Variants in SOX5 observed in about 807,000 individuals in gnomAD.
SOX5 encodes the protein SRY-box transcription factor 5, also known as transcription factor SOX-5.
SOX5 carries 9 observed loss-of-function variants against 92.0 expected under a neutral mutation model. The ratio of observed to expected loss-of-function variants is 0.10; its 90% CI spans 0.06 to 0.17. SOX5 has a LOEUF of 0.17. Among genes scored for constraint, SOX5 ranks in the 10% least tolerant of loss-of-function variants. SOX5 has a pLI of 1.00. For synonymous variants in SOX5, 344 were observed against 336.3 expected (o/e 1.02, Z -0.25); for missense variants, 642 against 944.5 (o/e 0.68, Z 4.20).
Position 24,494,427 on chromosome 12 carries a change from T to C in SOX5, c.-251+67902A>G, listed in dbSNP as rs145376040. On this transcript the variant is annotated intron_variant, in intron 1 of 4. Transcript: ENST00000446891. ...AAAATTTCAAAGTGCTTCCCATTTA[T>C]TATCTCATTGTATCCTTATAACAAC... Among the ~76,000 whole-genome samples, 16 of 152,338 alleles carry C rather than the reference T, an allele frequency of 1.1e-4. No individual in the cohort carries two copies. In the East Asian group the frequency reaches 3.1e-3, roughly 29 times the overall value.
intron 1 of SOX5, among the ~76,000 whole-genome samples, chr12:24,439,301 G>T (rs1940045546): frequency 6.6e-6 from 1 of 152,122 alleles, no homozygotes; most frequent in Admixed American, 6.6e-5. Context: ...TATGTACTGG[G>T]GAAACATCTG....
chr12:23,598,944 G>A (rs78766560), intron 9 of SOX5, among the ~76,000 whole-genome samples: 3,795 of 152,162 alleles, frequency 0.025, 70 homozygotes, highest in Non-Finnish European at 0.042. Flanking sequence ...CTGATTTCTC[G>A]TACTGCTAGC....
At chr12:24,312,261 C>T (rs1209719716) in intron 2 of SOX5, among the ~76,000 whole-genome samples, 5 of 152,162 alleles carry the variant, frequency 3.3e-5, no homozygotes, top group East Asian at 3.8e-4. Context: ...GATCACCTAG[C>T]TCCCCTCTCA....
chr12:24,251,639 T>G (rs1000853488), intron 3 of SOX5, among the ~76,000 whole-genome samples: 6 of 151,664 alleles, frequency 4.0e-5, no homozygotes, highest in African/African-American at 1.5e-4. Context: ...TGGCGTGATC[T>G]CGACTCACTG....
intron 3 of SOX5, among the ~76,000 whole-genome samples, chr12:24,222,950 G>T (rs1960856796): frequency 6.6e-6 from 1 of 152,084 alleles, no homozygotes; most frequent in African/African-American, 2.4e-5. Context: ...GAAAACAGTG[G>T]GTGATACAAC....
chr12:23,856,856 A>T (rs1240615305), intron 2 of SOX5, among the ~76,000 whole-genome samples: 2 of 152,156 alleles, frequency 1.3e-5, no homozygotes, highest in Admixed American at 1.3e-4. Flanking sequence ...ACTTCTTATC[A>T]TAGTACTAAT....
At chr12:23,998,745 G>A (rs1013425797) in intron 4 of SOX5, among the ~76,000 whole-genome samples, 4 of 137,188 alleles carry the variant, frequency 2.9e-5, no homozygotes, top group Admixed American at 8.3e-5. Context: ...AGGTTGCAAT[G>A]AGCCGAGATC....
chr12:23,838,090 T>G, intron 3 of SOX5, among the ~76,000 whole-genome samples: 1 of 138,072 alleles, frequency 7.2e-6, no homozygotes, highest in African/African-American at 2.6e-5. Flanking sequence ...TTTATATATA[T>G]TTATACTTAT....
intron 1 of SOX5, among the ~76,000 whole-genome samples, chr12:24,443,337 T>C (rs1215863055): frequency 6.6e-6 from 1 of 152,194 alleles, no homozygotes; most frequent in Admixed American, 6.5e-5. Flanking sequence ...AAGATGGACA[T>C]GAGATTACTG....
At chr12:24,117,072 G>A (rs537549837) in intron 4 of SOX5, among the ~76,000 whole-genome samples, 1 of 150,232 alleles carries the variant, frequency 6.7e-6, no homozygotes, top group South Asian at 2.1e-4. Context: ...TCAGATAAGA[G>A]ACTAATATCC....
At chr12:24,212,408 GA>G (rs937458842) in intron 4 of SOX5, 2 of 533,236 alleles carry the variant, frequency 3.8e-6, no homozygotes, top group African/African-American at 3.9e-5. Flanking sequence ...AATGAAAACT[GA>G]AAAAGCCACT....
At chr12:24,270,185 C>T (rs1045480163) in intron 3 of SOX5, among the ~76,000 whole-genome samples, 4 of 151,996 alleles carry the variant, frequency 2.6e-5, no homozygotes, top group South Asian at 2.1e-4. Context: ...CTTAGCCTCC[C>T]GAGTGGCTGA....
At chr12:23,901,625 C>T (rs7136659) in intron 1 of SOX5, among the ~76,000 whole-genome samples, 50,052 of 151,988 alleles carry the variant, frequency 0.33, 9,481 homozygotes, top group Non-Finnish European at 0.44. Context: ...TTAGTCCTTA[C>T]GCCATTTTGT....
chr12:24,199,342 T>G, intron 4 of SOX5, among the ~76,000 whole-genome samples: 1 of 152,356 alleles, frequency 6.6e-6, no homozygotes, highest in Middle Eastern at 3.4e-3. Flanking sequence ...AGCACCAAAA[T>G]GTCGCAGTAA....
chr12:23,829,671 G>T (rs758105111), intron 3 of SOX5, among the ~76,000 whole-genome samples: 1 of 152,258 alleles, frequency 6.6e-6, no homozygotes, highest in Non-Finnish European at 1.5e-5. Context: ...AGAAGTACCA[G>T]AAATGCTTGG....
At chr12:23,824,731 T>C (rs1337172570) in intron 3 of SOX5, among the ~76,000 whole-genome samples, 3 of 152,062 alleles carry the variant, frequency 2.0e-5, no homozygotes, top group Admixed American at 6.5e-5. Flanking sequence ...AGAGAGGAGT[T>C]TTATATATAA....
intron 1 of SOX5, among the ~76,000 whole-genome samples, chr12:24,384,654 C>G (rs768915378): frequency 1.3e-5 from 2 of 152,136 alleles, no homozygotes; most frequent in Non-Finnish European, 2.9e-5. Context: ...ACTGTTGCAC[C>G]TGAAACAGCA....
At position 24,207,073 on chromosome 12, in the gene SOX5, A is replaced by G. The variant is rs1958097285; in HGVS notation, c.-2+6270T>C. On this transcript the variant is annotated intron_variant, in intron 4 of 4. Transcript: ENST00000446891. ...TCTCAGTAGTCATATGATAATAGTT[A>G]TGTTTGGCAGATCTCTGTAACATCA... Among the ~76,000 whole-genome samples, 3 of 152,334 alleles carry G rather than the reference A, an allele frequency of 2.0e-5. No homozygotes were observed. In the South Asian group the frequency reaches 6.2e-4, roughly 32 times the overall value.
intron 4 of SOX5, among the ~76,000 whole-genome samples, chr12:24,089,898 G>A (rs1284599157): frequency 6.6e-6 from 1 of 152,074 alleles, no homozygotes; most frequent in African/African-American, 2.4e-5. Context: ...GCTACAAAGT[G>A]GTTCTAATGA....
Sources: allele counts gnomAD v4.1 joint callset (sites outside exome capture counted in the v4.1 genomes callset), GRCh38; gene constraint gnomAD v4.1.1; transcripts MANE v1.5; gene names NCBI Gene and HGNC (gene_info 2026-07-23, HGNC 2026-07-21).